The following RFXANK variants were observed in gnomAD, a reference collection of about 807,000 sequenced individuals.
RFXANK encodes the protein DNA-binding protein RFXANK.
In RFXANK, 19 loss-of-function variants were observed where a neutral mutation model predicts 34.5. The ratio of observed to expected loss-of-function variants is 0.55; its 90% CI spans 0.38 to 0.81. The LOEUF is 0.81. Ranked by LOEUF, RFXANK falls within the 30% of genes least tolerant of loss-of-function variation. RFXANK has a pLI of 0.00. For missense variants in RFXANK, 295 were observed against 343.5 expected (o/e 0.86, Z 1.12); for synonymous variants, 154 against 149.8 (o/e 1.03, Z -0.20).
At chr19:19,199,133 G>A (rs368757077) in intron 8 of RFXANK, 21 bp from the exon 9 acceptor site, 579 of 1,611,644 alleles carry the variant, frequency 3.6e-4, no homozygotes, top group Non-Finnish European at 4.7e-4. Flanking sequence ...ACCCTCCAGC[G>A]CCCTCCCCTC....
intron 3 of RFXANK, among the ~76,000 whole-genome samples, chr19:19,196,145 CTT>C (rs2060595514): frequency 6.6e-6 from 1 of 152,192 alleles, no homozygotes; most frequent in Admixed American, 6.6e-5. Flanking sequence ...AAAACTATGT[CTT>C]GTTTGCTCAG....
At position 19,194,074 on chromosome 19, in the gene RFXANK, T is replaced by C. The variant is rs1340297024; in HGVS notation, c.128T>C (p.Phe43Ser). The C allele has an allele frequency of 1.2e-6, 2 of 1,614,038 alleles. No homozygotes were observed. The highest frequency in any genetic ancestry group is 2.7e-5 in the African/African-American group (2 of 74,906). Residue 43 changes from phenylalanine (F) to serine (S), a missense_variant, in exon 3 of 10, where the codon TTT becomes TCT. Phe to Ser is a radical substitution (Grantham distance 155). Coordinates refer to ENST00000303088, the MANE Select transcript of RFXANK (RefSeq NM_003721.4). ...DGSDTVVLSL[F>S]PCTPEPVNPE... is the part of the protein sequence containing the mutation. ...TCAGACACTGTGGTCCTCAGTCTCT[T>C]TCCCTGCACCCCTGAGCCTGTGAAT...
At position 19,197,532 on chromosome 19, in the gene RFXANK, G is replaced by A. The variant is rs145448880; in HGVS notation, c.349G>A (p.Val117Ile). Residue 117 changes from valine to isoleucine, a missense_variant, in exon 6 of 10, where the codon GTC becomes ATC. Coordinates refer to ENST00000303088, the MANE Select transcript of RFXANK (RefSeq NM_003721.4). ...CCTCCTCCTGCCAGGTGACAACCTC[G>A]TCAACAAGCCAGACGAGCGCGGCTT... Reference protein sequence around the residue: ...KEHLRKGDNLVNKPDERGFTP... With the variant: ...KEHLRKGDNLINKPDERGFTP... 41 of 1,613,792 alleles carry A rather than the reference G, an allele frequency of 2.5e-5. No homozygotes were observed. The African/African-American group carries it at 2.7e-4, about 10-fold the overall frequency.
intron 9 of RFXANK, chr19:19,200,715 C>T (rs1480764379): frequency 1.3e-5 from 2 of 153,636 alleles, no homozygotes; most frequent in Non-Finnish European, 2.9e-5. Flanking sequence ...CCTCTGCCTC[C>T]CAGGCAAACA....
At position 19,201,662 on chromosome 19, in the gene RFXANK, C is replaced by G. The variant is rs200043123; in HGVS notation, c.726C>G (p.Ile242Met). Residue 242 changes from isoleucine to methionine, a missense_variant, in exon 10 of 10, where the codon ATC becomes ATG. Ile to Met is a conservative substitution (Grantham distance 10). Transcript: ENST00000303088. The part of the protein sequence containing the change: ...ALGYRKVQQV[I>M]ENHILKLFQS... ...GCCCCATCTCAGTGCAACAGGTGAT[C>G]GAGAACCACATCCTCAAGCTCTTCC... The G allele has an allele frequency of 3.5e-4, 569 of 1,614,014 alleles. No individual in the cohort carries two copies. The highest frequency in any genetic ancestry group is 4.4e-4 in the Non-Finnish European group (522 of 1,180,042).
chr19:19,196,916 A>C, intron 3 of RFXANK, 47 bp from the exon 4 acceptor site: 6 of 1,532,886 alleles, frequency 3.9e-6, no homozygotes, highest in Non-Finnish European at 5.4e-6. Flanking sequence ...CTGAAGCCTC[A>C]GAGACATCTA....
intron 9 of RFXANK, chr19:19,201,436 T>C (rs2060713799): frequency 6.7e-7 from 1 of 1,501,336 alleles, no homozygotes; most frequent in Non-Finnish European, 9.0e-7. Flanking sequence ...TATTTTTATA[T>C]TAATTCTGAA....
intron 9 of RFXANK, 47 bp from the exon 10 acceptor site, chr19:19,201,602 A>T: frequency 6.2e-7 from 1 of 1,613,136 alleles, no homozygotes; most frequent in South Asian, 1.1e-5. Context: ...CCTCCACCCC[A>T]CTCCCGATTC....
intron 3 of RFXANK, among the ~76,000 whole-genome samples, chr19:19,194,633 G>GC (rs999464798): frequency 1.3e-5 from 2 of 151,714 alleles, no homozygotes; most frequent in Non-Finnish European, 2.9e-5. Context: ...CTGGGCTGAA[G>GC]CCATCACTCA....
chr19:19,194,984 C>T (rs1568576596), intron 3 of RFXANK, among the ~76,000 whole-genome samples: 1 of 152,028 alleles, frequency 6.6e-6, no homozygotes, highest in Non-Finnish European at 1.5e-5. Flanking sequence ...GAATGCTCTT[C>T]CTACACTTCT....
chr19:19,200,484 G>GT (rs930615020), intron 9 of RFXANK, among the ~76,000 whole-genome samples: 17 of 151,162 alleles, frequency 1.1e-4, no homozygotes, highest in Middle Eastern at 3.5e-3. Context: ...CTGTGTTGTT[G>GT]TTTTTTTAGA....
intron 7 of RFXANK, 144 bp downstream of exon 7, chr19:19,198,376 G>C: frequency 7.5e-7 from 1 of 1,330,330 alleles, no homozygotes; most frequent in Non-Finnish European, 1.0e-6. Flanking sequence ...ACAGAGCAGA[G>C]CTCCCCATGC....
chr19:19,195,556 G>C (rs556143328), intron 3 of RFXANK, among the ~76,000 whole-genome samples: 1 of 150,610 alleles, frequency 6.6e-6, no homozygotes, highest in South Asian at 2.1e-4. Context: ...TGCCCGCCTC[G>C]GCCTCCCAAA....
intron 6 of RFXANK, 88 bp downstream of exon 6, chr19:19,197,709 C>A (rs1310575003): frequency 2.7e-5 from 32 of 1,197,110 alleles, no homozygotes; most frequent in Non-Finnish European, 3.9e-5. Context: ...GGCGCCTTGT[C>A]TTTGAGATGC....
chr19:19,193,846 C>T, intron 2 of RFXANK, 93 bp from the exon 3 acceptor site: 2 of 1,419,338 alleles, frequency 1.4e-6, no homozygotes, highest in Non-Finnish European at 2.0e-6. Context: ...TTTACCCACC[C>T]TCACAGTGCA....
chr19:19,196,950 G>T lies in RFXANK; in HGVS notation c.188-13G>T. ...TACTGAGGGGAAACTGACGCCTGTT[G>T]TCTGTTTCCCAGCAGGCAGCTCCCT... is the stretch of plus-strand genomic sequence containing the variant. On this transcript the variant is annotated splice_polypyrimidine_tract_variant and intron_variant, in intron 3 of 9. Coordinates refer to ENST00000303088, the MANE Select transcript of RFXANK (RefSeq NM_003721.4). 1.9e-6 allele frequency: 3 copies of T among 1,609,828 alleles called. No individual in the cohort carries two copies. The highest frequency in any genetic ancestry group is 1.7e-6 in the Non-Finnish European group (2 of 1,179,578).
At chr19:19,193,908 G>C in intron 2 of RFXANK, 31 bp from the exon 3 acceptor site, 1 of 1,610,402 alleles carries the variant, frequency 6.2e-7, no homozygotes, top group Non-Finnish European at 8.5e-7. Context: ...GATAATTATT[G>C]TCATCTCTCC....
rs893886137 is a variant in RFXANK, at chr19:19,197,367, CTGTG to C, written c.337+123_337+126del. On this transcript the variant is annotated intron_variant, in intron 5 of 9. Coordinates refer to ENST00000303088, the MANE Select transcript of RFXANK (RefSeq NM_003721.4). The stretch of plus-strand genomic sequence containing the variant: ...TGTCCACGTGTATGATTGTATCTAA[CTGTG>C]TGTGTGACCGTGTTCATGTATGTCC... 1.3e-4 allele frequency: 164 copies of C among 1,256,710 alleles called. 1 individual carries two copies. In the African/African-American group the frequency reaches 1.8e-3, roughly 14 times the overall value. 77.8% of individuals were successfully genotyped at this position (1,256,710 alleles called of 1,614,324 possible).
intron 3 of RFXANK, among the ~76,000 whole-genome samples, chr19:19,196,575 A>C (rs1404213478): frequency 1.4e-5 from 2 of 142,174 alleles, no homozygotes; most frequent in Non-Finnish European, 3.0e-5. Context: ...AAAAAAAAAA[A>C]CCCCAATAGC....
Sources: gnomAD v4.1 joint callset for allele counts (sites outside exome capture counted in the v4.1 genomes callset) on GRCh38, gnomAD v4.1.1 for gene constraint, MANE v1.5 for transcripts, NCBI Gene and HGNC (gene_info 2026-07-23, HGNC 2026-07-21) for gene names.